The following PPP3CA variants were observed in gnomAD, a reference collection of about 807,000 sequenced individuals.
PPP3CA encodes the protein protein phosphatase 3 catalytic subunit alpha.
Under a neutral mutation model 66.5 loss-of-function variants are expected in PPP3CA, and 14 were observed. The ratio of observed to expected loss-of-function variants is 0.21; its 90% CI spans 0.14 to 0.33. The LOEUF is 0.33. Among genes scored for constraint, PPP3CA ranks in the 10% least tolerant of loss-of-function variants. The probability of loss-of-function intolerance (pLI) is 1.00; values close to 1 mark genes in which losing one functional copy is unlikely to be tolerated. For synonymous variants in PPP3CA, 232 were observed against 226.2 expected, an observed-to-expected ratio of 1.03 and a Z score of -0.23; for missense variants, 317 against 639.5, an observed-to-expected ratio of 0.50 and a Z score of 5.44.
intron 6 of PPP3CA, among the ~76,000 whole-genome samples, chr4:101,092,658 A>G (rs1730006832): frequency 1.3e-5 from 2 of 151,252 alleles, no homozygotes; most frequent in African/African-American, 4.9e-5. Flanking sequence ...TCTTTGTTCA[A>G]CTCCCACTTA....
intron 1 of PPP3CA, among the ~76,000 whole-genome samples, chr4:101,343,918 C>G (rs1474604079): frequency 6.6e-6 from 1 of 152,072 alleles, no homozygotes; most frequent in African/African-American, 2.4e-5. Context: ...ATTTCTTATA[C>G]AACAAAAGCC....
chr4:101,312,884 C>T (rs910352380), intron 1 of PPP3CA, among the ~76,000 whole-genome samples: 6 of 152,154 alleles, frequency 3.9e-5, no homozygotes, highest in African/African-American at 1.2e-4. Context: ...GCAAAACCAG[C>T]ATCTTTGACA....
At position 101,054,483 on chromosome 4, in the gene PPP3CA, C is replaced by T. The variant is rs74820016; in HGVS notation, c.1156+6604G>A. Among the ~76,000 whole-genome samples, 812 of 152,124 alleles carry T rather than the reference C, an allele frequency of 5.3e-3. 2 individuals are homozygous for T. The highest frequency in any genetic ancestry group is 0.014 in the South Asian group (67 of 4,830). On this transcript the variant is annotated intron_variant, in intron 10 of 13. Coordinates refer to ENST00000394854, the MANE Select transcript of PPP3CA (RefSeq NM_000944.5). ...CTACAAAGGAATTACTAGTGCCAAACGCTTTTTGCTAGGTCAAACATTCAT... is the reference window on the plus strand; with the variant it reads ...CTACAAAGGAATTACTAGTGCCAAATGCTTTTTGCTAGGTCAAACATTCAT...
intron 2 of PPP3CA, among the ~76,000 whole-genome samples, chr4:101,194,406 G>T (rs1486350660): frequency 6.6e-6 from 1 of 152,002 alleles, no homozygotes; most frequent in East Asian, 1.9e-4. Flanking sequence ...ACTTTTAGAT[G>T]CCCCCTTTAT....
chr4:101,252,232 T>C (rs1178938325), intron 1 of PPP3CA, among the ~76,000 whole-genome samples: 1 of 152,144 alleles, frequency 6.6e-6, no homozygotes, highest in Non-Finnish European at 1.5e-5. Context: ...CAAAATGTCA[T>C]ACTGTCCCCA....
At chr4:101,162,745 C>T (rs1438854173) in intron 2 of PPP3CA, among the ~76,000 whole-genome samples, 1 of 152,042 alleles carries the variant, frequency 6.6e-6, no homozygotes, top group Non-Finnish European at 1.5e-5. Flanking sequence ...AAGTATCTTG[C>T]CCTGGGTTTA....
intron 2 of PPP3CA, among the ~76,000 whole-genome samples, chr4:101,124,759 G>GAA (rs1329574264): frequency 7.9e-6 from 1 of 126,500 alleles, no homozygotes; most frequent in Non-Finnish European, 1.6e-5. Flanking sequence ...AAGAAAGAAA[G>GAA]AAAGAAAGAA....
chr4:101,038,589 C>T (rs980074790), intron 11 of PPP3CA, among the ~76,000 whole-genome samples: 3 of 151,866 alleles, frequency 2.0e-5, no homozygotes, highest in Admixed American at 1.3e-4. Context: ...AGGCTGGTCT[C>T]GAACTTCTGA....
intron 8 of PPP3CA, among the ~76,000 whole-genome samples, chr4:101,065,714 T>A (rs1183492279): frequency 1.3e-5 from 2 of 152,122 alleles, no homozygotes; most frequent in Non-Finnish European, 2.9e-5. Context: ...TGAATTCTAG[T>A]CCTAGCTGTT....
chr4:101,124,392 G>A (rs1417954693), intron 2 of PPP3CA, among the ~76,000 whole-genome samples: 2 of 152,088 alleles, frequency 1.3e-5, no homozygotes, highest in East Asian at 1.9e-4. Context: ...AGGCCAAGGT[G>A]GAAAGATCAG....
At chr4:101,311,861 G>A (rs1728732750) in intron 1 of PPP3CA, among the ~76,000 whole-genome samples, 1 of 152,148 alleles carries the variant, frequency 6.6e-6, no homozygotes, top group South Asian at 2.1e-4. Flanking sequence ...ATACAACCTT[G>A]TCCAAGCCAT....
chr4:101,136,540 CAA>C (rs11299265), intron 2 of PPP3CA, among the ~76,000 whole-genome samples: 1 of 138,110 alleles, frequency 7.2e-6, no homozygotes, highest in Admixed American at 7.3e-5. Context: ...GACTCCGCCT[CAA>C]AAAAAAAAAA....
At chr4:101,046,705 T>C (rs1166657555) in intron 10 of PPP3CA, among the ~76,000 whole-genome samples, 1 of 152,138 alleles carries the variant, frequency 6.6e-6, no homozygotes, top group African/African-American at 2.4e-5. Flanking sequence ...GAAAGTAAAA[T>C]TTTTATCATG....
At chr4:101,120,915 C>A (rs968030359) in intron 2 of PPP3CA, among the ~76,000 whole-genome samples, 1 of 151,946 alleles carries the variant, frequency 6.6e-6, no homozygotes, top group East Asian at 1.9e-4. Flanking sequence ...AAACATGAAT[C>A]GGGTCTTAAG....
intron 1 of PPP3CA, among the ~76,000 whole-genome samples, chr4:101,296,476 A>G (rs1179283441): frequency 6.6e-6 from 1 of 152,136 alleles, no homozygotes; most frequent in African/African-American, 2.4e-5. Context: ...AAGATGAACT[A>G]CTTTTATTCT....
intron 1 of PPP3CA, among the ~76,000 whole-genome samples, chr4:101,227,115 T>C (rs537616158): frequency 1.3e-5 from 1 of 77,498 alleles, no homozygotes; most frequent in African/African-American, 4.6e-5. Context: ...GGTGTGTACA[T>C]ACACACATAC....
intron 1 of PPP3CA, among the ~76,000 whole-genome samples, chr4:101,269,941 A>T (rs1218358001): frequency 1.3e-5 from 2 of 152,080 alleles, no homozygotes; most frequent in Non-Finnish European, 2.9e-5. Flanking sequence ...ACCCATGGTA[A>T]CCTCTGTGGC....
intron 8 of PPP3CA, among the ~76,000 whole-genome samples, chr4:101,066,427 C>G (rs1278787649): frequency 1.3e-5 from 2 of 152,064 alleles, no homozygotes; most frequent in African/African-American, 2.4e-5. Context: ...ATGATGTTAA[C>G]AAACTTCACT....
intron 1 of PPP3CA, among the ~76,000 whole-genome samples, chr4:101,199,026 A>G (rs1401898633): frequency 6.6e-6 from 1 of 152,210 alleles, no homozygotes; most frequent in Non-Finnish European, 1.5e-5. Flanking sequence ...AGCAGTAATG[A>G]TGCCAAAGAC....
Sources: gnomAD v4.1 joint callset for allele counts (sites outside exome capture counted in the v4.1 genomes callset) on GRCh38, gnomAD v4.1.1 for gene constraint, MANE v1.5 for transcripts, NCBI Gene and HGNC (gene_info 2026-07-23, HGNC 2026-07-21) for gene names.